SLC24A4: variants seen among roughly 807,000 people sequenced by gnomAD.
The protein encoded by SLC24A4 is sodium/potassium/calcium exchanger 4.
Under a neutral mutation model 79.0 loss-of-function variants are expected in SLC24A4, and 53 were observed. That is an observed-to-expected ratio of 0.67 (90% CI 0.54 to 0.84). The LOEUF is 0.84. SLC24A4 is among the 40% of genes least tolerant of loss of function. SLC24A4 has a pLI of 0.00. For missense variants in SLC24A4, 731 were observed against 822.0 expected (o/e 0.89, Z 1.35); for synonymous variants, 323 against 323.8 (o/e 1.00, Z 0.03).
chr14:92,499,032 GT>G lies in SLC24A4; in HGVS notation c.*5408del, dbSNP rs2139965911. 1 of 152,318 alleles carries G rather than the reference GT, an allele frequency of 6.6e-6. No homozygotes were observed. Among genetic ancestry groups the G allele is most frequent in the African/African-American group, 2.4e-5 (1 of 41,574 alleles). 9.4% of individuals were successfully genotyped at this position (152,318 alleles called of 1,614,324 possible). A position where few individuals can be genotyped will look rare whatever the true frequency, so the allele number is the denominator to read the frequency against. The stretch of plus-strand genomic sequence containing the variant: ...TCTTTCCAGGGAAGCCAGCTGAGAG[GT>G]TTTAGGGCTTTGGTTATTTTATGGG... On this transcript the variant is annotated 3_prime_UTR_variant, in exon 17 of 17. Transcript: ENST00000532405.
At chr14:92,484,584 A>G in intron 13 of SLC24A4, 1 of 985,324 alleles carries the variant, frequency 1.0e-6, no homozygotes, top group South Asian at 4.7e-5. Flanking sequence ...AACTCAGGAG[A>G]GGCAGAACCA....
intron 2 of SLC24A4, among the ~76,000 whole-genome samples, chr14:92,401,318 G>A (rs1890100384): frequency 6.6e-6 from 1 of 152,202 alleles, no homozygotes; most frequent in African/African-American, 2.4e-5. Context: ...AGAAGGTGCT[G>A]TTCAAACCAT....
Position 92,373,211 on chromosome 14 carries a change from C to CACATAT in SLC24A4, c.241+47234_241+47235insCATATA, listed in dbSNP as rs145882618. On this transcript the variant is annotated intron_variant, in intron 2 of 16. Coordinates refer to ENST00000532405, the MANE Select transcript of SLC24A4 (RefSeq NM_153646.4). ...ACACACACGCACACACACACACACA[C>CACATAT]ATATATATATTTAGTAGAAACGGGG... Among the ~76,000 whole-genome samples, 725 of 149,344 alleles carry CACATAT rather than the reference C, an allele frequency of 4.9e-3. 8 individuals are homozygous for CACATAT. Among genetic ancestry groups the CACATAT allele is most frequent in the African/African-American group, 0.011 (457 of 40,470 alleles).
At chr14:92,437,224 T>A (rs1892224994) in intron 3 of SLC24A4, among the ~76,000 whole-genome samples, 1 of 152,230 alleles carries the variant, frequency 6.6e-6, no homozygotes, top group South Asian at 2.1e-4. Flanking sequence ...TTCCACTCTC[T>A]CTATTCTACC....
chr14:92,388,148 GT>G (rs1889267906), intron 2 of SLC24A4, among the ~76,000 whole-genome samples: 1 of 152,070 alleles, frequency 6.6e-6, no homozygotes, highest in Admixed American at 6.6e-5. Context: ...GAAACACAGC[GT>G]ACCCCTTTAT....
intron 2 of SLC24A4, among the ~76,000 whole-genome samples, chr14:92,391,800 GTCATGTGGCGGTGT>G (rs1289989574): frequency 1.3e-5 from 2 of 152,250 alleles, no homozygotes; most frequent in Non-Finnish European, 2.9e-5. Flanking sequence ...AGCAGCCCAG[GTCATGTGGCGGTGT>G]CCTGCTCTGC....
chr14:92,450,095 G>C (rs1183684834), intron 10 of SLC24A4: 1 of 152,246 alleles, frequency 6.6e-6, no homozygotes, highest in Non-Finnish European at 1.5e-5. Context: ...CCACAGTGTT[G>C]GGCAAGGCCT....
chr14:92,324,411 G>A (rs1212029971), intron 1 of SLC24A4, among the ~76,000 whole-genome samples: 1 of 152,248 alleles, frequency 6.6e-6, no homozygotes, highest in African/African-American at 2.4e-5. Flanking sequence ...GCCCTGAGGT[G>A]TTTGTTCTTC....
At chr14:92,372,917 C>CTTCCTTCCTTCCTTTCTT (rs1213585063) in intron 2 of SLC24A4, among the ~76,000 whole-genome samples, 1 of 108,908 alleles carries the variant, frequency 9.2e-6, no homozygotes, top group African/African-American at 3.5e-5. Flanking sequence ...TCCTTCCTTC[C>CTTCCTTCCTTCCTTTCTT]TTTCTTTCTC....
At chr14:92,461,123 G>T (rs1293400735) in intron 12 of SLC24A4, among the ~76,000 whole-genome samples, 5 of 152,230 alleles carry the variant, frequency 3.3e-5, no homozygotes, top group African/African-American at 9.6e-5. Flanking sequence ...GGTGCAGCTT[G>T]TTTGCTTGTT....
Position 92,396,925 on chromosome 14 carries a change from G to GTATACCAGGGTAT in SLC24A4, c.242-36987_242-36986insTATACCAGGGTAT, listed in dbSNP as rs556785085. ...ATTATAGGGCACCACTTCTATACTGGACACAGTGCTACCCTGGAGATTCTG... is the reference window on the plus strand; with the variant it reads ...ATTATAGGGCACCACTTCTATACTGGTATACCAGGGTATACACAGTGCTACCCTGGAGATTCTG... On this transcript the variant is annotated intron_variant, in intron 2 of 16. Coordinates refer to ENST00000532405, the MANE Select transcript of SLC24A4 (RefSeq NM_153646.4). Among the ~76,000 whole-genome samples, 1,079 of 152,282 alleles carry GTATACCAGGGTAT rather than the reference G, an allele frequency of 7.1e-3. 12 individuals carry two copies. The highest frequency in any genetic ancestry group is 0.025 in the African/African-American group (1,050 of 41,528).
chr14:92,500,051 G>C lies in SLC24A4; in HGVS notation c.*6423G>C, dbSNP rs1896098354. 2 of 150,144 alleles carry C rather than the reference G, an allele frequency of 1.3e-5. No homozygotes were observed. The highest frequency in any genetic ancestry group is 6.6e-5 in the Admixed American group (1 of 15,066). The allele number at this position is 150,144 out of a possible 1,614,324, so 9.3% of individuals were successfully genotyped here. A position where few individuals can be genotyped will look rare whatever the true frequency, so the allele number is the denominator to read the frequency against. The stretch of plus-strand genomic sequence containing the variant: ...AGACAGGGTTTCACCGTGTTAGCCA[G>C]GATGGTCTTGATCTCCTGATCTCGT... On this transcript the variant is annotated 3_prime_UTR_variant, in exon 17 of 17. Transcript: ENST00000532405.
intron 13 of SLC24A4, chr14:92,484,365 G>A (rs991067341): frequency 1.0e-6 from 1 of 985,242 alleles, no homozygotes; most frequent in East Asian, 1.1e-4. Context: ...CTGTGGCAGA[G>A]CCTCCCCAAG....
At chr14:92,331,709 G>A (rs1006727750) in intron 2 of SLC24A4, among the ~76,000 whole-genome samples, 1 of 152,146 alleles carries the variant, frequency 6.6e-6, no homozygotes, top group African/African-American at 2.4e-5. Context: ...TAAAATGAAG[G>A]TGATAATTAC....
intron 11 of SLC24A4, among the ~76,000 whole-genome samples, chr14:92,454,551 GTA>G (rs1893347047): frequency 6.6e-6 from 1 of 152,140 alleles, no homozygotes; most frequent in Admixed American, 6.5e-5. Flanking sequence ...ATTATTTAAT[GTA>G]TAAACAGTAT....
chr14:92,378,496 C>T (rs1200170971), intron 2 of SLC24A4, among the ~76,000 whole-genome samples: 1 of 152,178 alleles, frequency 6.6e-6, no homozygotes, highest in Non-Finnish European at 1.5e-5. Context: ...TGGCTCTGAG[C>T]ATCTTTGTGT....
chr14:92,400,179 G>A (rs954370246), intron 2 of SLC24A4, among the ~76,000 whole-genome samples: 9 of 152,280 alleles, frequency 5.9e-5, no homozygotes, highest in South Asian at 4.1e-4. Context: ...GGTGGCTCAC[G>A]CCTGTAATCC....
In SLC24A4 at chr14:92,501,024, G is replaced by A. The variant is rs1378963363; in HGVS notation, c.*7396G>A. 6.6e-6 allele frequency: 1 copy of A among 152,254 alleles called. No individual in the cohort carries two copies. The highest frequency in any genetic ancestry group is 1.5e-5 in the Non-Finnish European group (1 of 68,062). 9.4% of individuals were successfully genotyped at this position (152,254 alleles called of 1,614,324 possible). A position where few individuals can be genotyped will look rare whatever the true frequency, so the allele number is the denominator to read the frequency against. ...ACCAAATAGCAGGTAGATGGAATCA[G>A]AGGACTCTTGTGTCCTGAAAGAACC... On this transcript the variant is annotated 3_prime_UTR_variant, in exon 17 of 17. Coordinates refer to ENST00000532405, the MANE Select transcript of SLC24A4 (RefSeq NM_153646.4).
At chr14:92,340,316 T>C (rs931066703) in intron 2 of SLC24A4, among the ~76,000 whole-genome samples, 1 of 152,244 alleles carries the variant, frequency 6.6e-6, no homozygotes. Flanking sequence ...AATCACTGCA[T>C]GTGACCTGGG....
Sources: gnomAD v4.1 joint callset for allele counts (sites outside exome capture counted in the v4.1 genomes callset) on GRCh38, gnomAD v4.1.1 for gene constraint, MANE v1.5 for transcripts, NCBI Gene and HGNC (gene_info 2026-07-23, HGNC 2026-07-21) for gene names.